BABAM2: variants seen among roughly 807,000 people sequenced by gnomAD.
The protein encoded by BABAM2 is BRISC and BRCA1 A complex member 2, also known as BRISC and BRCA1-A complex member 2.
Under a neutral mutation model 54.7 loss-of-function variants are expected in BABAM2, and 31 were observed. The observed-to-expected ratio is 0.57, with a 90% CI of 0.43 to 0.77. The LOEUF (loss-of-function observed/expected upper bound fraction) is 0.77. BABAM2 is among the 30% of genes least tolerant of loss of function. The pLI is 0.00. For synonymous variants in BABAM2, 167 were observed against 162.9 expected, an observed-to-expected ratio of 1.03 and a Z score of -0.19; for missense variants, 364 against 455.8, an observed-to-expected ratio of 0.80 and a Z score of 1.83.
chr2:28,051,558 C>T (rs1165069795), intron 6 of BABAM2, among the ~76,000 whole-genome samples: 1 of 151,990 alleles, frequency 6.6e-6, no homozygotes, highest in African/African-American at 2.4e-5. Flanking sequence ...TTGCACACAA[C>T]TGTGGAGAAA....
At chr2:28,202,889 A>G (rs1028892134) in intron 7 of BABAM2, among the ~76,000 whole-genome samples, 1 of 152,158 alleles carries the variant, frequency 6.6e-6, no homozygotes, top group Middle Eastern at 3.2e-3. Context: ...TATTCCTCCC[A>G]TGTTTTACTG....
At chr2:28,241,297 T>C in intron 8 of BABAM2, 26 bp from the exon 9 acceptor site, 1 of 1,603,416 alleles carries the variant, frequency 6.2e-7, no homozygotes, top group Non-Finnish European at 8.5e-7. Context: ...CCCACTCTAC[T>C]TCTCAGCTTT....
At chr2:27,904,056 G>A (rs1237444132) in intron 2 of BABAM2, among the ~76,000 whole-genome samples, 1 of 152,168 alleles carries the variant, frequency 6.6e-6, no homozygotes, top group Non-Finnish European at 1.5e-5. Context: ...CCAAGACAGC[G>A]ACTAAGTGAC....
chr2:28,191,598 A>G lies in BABAM2; in HGVS notation c.681-45604A>G, dbSNP rs183170933. On this transcript the variant is annotated intron_variant, in intron 7 of 11. Coordinates refer to ENST00000379624, the MANE Select transcript of BABAM2 (RefSeq NM_199191.3). ...ACTATTGGTACGCACAACAAAATGG[A>G]TGAATCTCAAAATAGTTATGCTGAG... 2.6e-5 allele frequency among the ~76,000 whole-genome samples: 4 copies of G among 152,368 alleles called. No homozygotes were observed. The East Asian group carries it at 7.7e-4, about 29-fold the overall frequency.
At chr2:28,327,238 C>T (rs1447006848) in intron 11 of BABAM2, 3 of 1,569,310 alleles carry the variant, frequency 1.9e-6, no homozygotes, top group African/African-American at 2.7e-5. Flanking sequence ...CCAGCTGGCC[C>T]TCCCTTCTCC....
chr2:28,172,672 A>G (rs1240514133), intron 7 of BABAM2, among the ~76,000 whole-genome samples: 1 of 152,200 alleles, frequency 6.6e-6, no homozygotes, highest in Non-Finnish European at 1.5e-5. Flanking sequence ...GTGGGTGTGC[A>G]TATATGTGTA....
intron 3 of BABAM2, among the ~76,000 whole-genome samples, chr2:27,959,947 A>G (rs1670352966): frequency 6.6e-6 from 1 of 152,070 alleles, no homozygotes; most frequent in Admixed American, 6.6e-5. Flanking sequence ...TTGCTTCTGA[A>G]AAGCATTTTT....
At chr2:28,000,894 GT>G (rs1182520316) in intron 4 of BABAM2, among the ~76,000 whole-genome samples, 1 of 151,962 alleles carries the variant, frequency 6.6e-6, no homozygotes, top group Non-Finnish European at 1.5e-5. Context: ...ATTTGTTTGT[GT>G]TTTTTTGTGG....
At chr2:28,112,083 C>CTCTTCCTT in intron 6 of BABAM2, among the ~76,000 whole-genome samples, 1 of 98,812 alleles carries the variant, frequency 1.0e-5, no homozygotes, top group East Asian at 2.9e-4. Flanking sequence ...ATACCCATTA[C>CTCTTCCTT]TCTTTCTTTC....
At chr2:28,229,172 T>C (rs911181900) in intron 7 of BABAM2, among the ~76,000 whole-genome samples, 4 of 152,168 alleles carry the variant, frequency 2.6e-5, no homozygotes. Context: ...AGATGTCAAG[T>C]ATGCAGATAA....
intron 6 of BABAM2, among the ~76,000 whole-genome samples, chr2:28,062,970 C>A (rs1287756098): frequency 6.6e-6 from 1 of 152,186 alleles, no homozygotes; most frequent in African/African-American, 2.4e-5. Context: ...GTTTTGTCTG[C>A]CTAGCACGTC....
At chr2:27,916,199 T>C (rs1249176074) in intron 2 of BABAM2, among the ~76,000 whole-genome samples, 4 of 152,126 alleles carry the variant, frequency 2.6e-5, no homozygotes, top group Non-Finnish European at 5.9e-5. Context: ...AGTATGCAAA[T>C]AATATAAAAT....
chr2:28,160,735 GT>G (rs562679552), intron 7 of BABAM2, among the ~76,000 whole-genome samples: 16,818 of 129,124 alleles, frequency 0.13, 1,257 homozygotes, highest in African/African-American at 0.24. Context: ...CATATAAATT[GT>G]TTTTTTTTTT....
chr2:28,245,824 G>T (rs756078922), intron 10 of BABAM2, among the ~76,000 whole-genome samples: 2 of 152,206 alleles, frequency 1.3e-5, no homozygotes, highest in Non-Finnish European at 2.9e-5. Flanking sequence ...GCATCAGACA[G>T]TGTAAAGATA....
intron 7 of BABAM2, among the ~76,000 whole-genome samples, chr2:28,204,544 T>C (rs1444895081): frequency 1.3e-5 from 2 of 151,886 alleles, no homozygotes; most frequent in African/African-American, 4.8e-5. Context: ...TTCAACATAC[T>C]TAGGACAAGG....
At chr2:28,151,606 G>A (rs1035971529) in intron 7 of BABAM2, among the ~76,000 whole-genome samples, 1 of 151,914 alleles carries the variant, frequency 6.6e-6, no homozygotes, top group Non-Finnish European at 1.5e-5. Context: ...AAAGAAAAAA[G>A]CATCCCTTCC....
intron 6 of BABAM2, among the ~76,000 whole-genome samples, chr2:28,057,564 C>T (rs1427241317): frequency 2.0e-5 from 3 of 152,018 alleles, no homozygotes; most frequent in African/African-American, 7.2e-5. Flanking sequence ...CTTAAAGGTG[C>T]CACCTGGCAC....
chr2:28,198,786 T>G (rs1211478476), intron 7 of BABAM2, among the ~76,000 whole-genome samples: 1 of 152,180 alleles, frequency 6.6e-6, no homozygotes, highest in African/African-American at 2.4e-5. Flanking sequence ...CAACAGTCTT[T>G]GGTCTTGACT....
chr2:28,178,541 CAAAAAGTAGAAAGATTTCA>C (rs1188306681), intron 7 of BABAM2, among the ~76,000 whole-genome samples: 1 of 151,590 alleles, frequency 6.6e-6, no homozygotes, highest in East Asian at 1.9e-4. Flanking sequence ...ATGCTTACGT[CAAAAAGTAGAAAGATTTCA>C]AATAAACAAT....
Sources: gnomAD v4.1 joint callset for allele counts (sites outside exome capture counted in the v4.1 genomes callset) on GRCh38, gnomAD v4.1.1 for gene constraint, MANE v1.5 for transcripts, NCBI Gene and HGNC (gene_info 2026-07-23, HGNC 2026-07-21) for gene names.